Variants in ZNF235 observed in about 807,000 individuals in gnomAD.
The protein encoded by ZNF235 is zfp-93.
In ZNF235, 25 loss-of-function variants were observed where a neutral mutation model predicts 29.4. The ratio of observed to expected loss-of-function variants is 0.85; its 90% confidence interval spans 0.62 to 1.19. The LOEUF is 1.19. ZNF235 is among the 50% of genes most tolerant of loss of function. The pLI, the probability that ZNF235 is intolerant of heterozygous loss-of-function variation, is 0.00. For missense variants in ZNF235, 788 were observed against 885.0 expected (o/e 0.89, Z 1.39); for synonymous variants, 300 against 295.3 (o/e 1.02, Z -0.16).
rs375549302 is a variant in ZNF235, at chr19:44,288,902, T to C, written c.533A>G (p.Lys178Arg). The change falls in exon 5 of 5, where the codon AAA (lysine) becomes AGA (arginine). Residue 178 changes from lysine (K) to arginine (R), a missense_variant. Lys to Arg is a conservative substitution (Grantham distance 26). Coordinates refer to ENST00000291182, the MANE Select transcript of ZNF235 (RefSeq NM_004234.4). ...IIENQEFPTGKVPNSWSKIYL... is the reference protein window; with the variant it reads ...IIENQEFPTGRVPNSWSKIYL... ...TATTTTACTCCAAGAATTCGGAACT[T>C]TCCCAGTTGGAAATTCTTGATTTTC... 3 of 1,613,934 alleles carry C rather than the reference T, an allele frequency of 1.9e-6. No individual in the cohort carries two copies. The African/African-American group carries it at 4.0e-5, about 22-fold the overall frequency.
At chr19:44,290,028 G>A (rs1208827666) in intron 4 of ZNF235, 1 of 152,190 alleles carries the variant, frequency 6.6e-6, no homozygotes, top group African/African-American at 2.4e-5. Context: ...CCCCTTGGGG[G>A]TCAGAAGTCA....
intron 4 of ZNF235, 96 bp downstream of exon 4, chr19:44,298,712 A>T (rs941027818): frequency 1.3e-4 from 126 of 962,546 alleles, no homozygotes; most frequent in Admixed American, 9.0e-5. Context: ...GATGTTTTTT[A>T]AAAAAGTCTC....
At chr19:44,302,817 CTT>C (rs1975756967) in intron 2 of ZNF235, among the ~76,000 whole-genome samples, 1 of 123,832 alleles carries the variant, frequency 8.1e-6, no homozygotes, top group East Asian at 2.3e-4. Context: ...TATATATATA[CTT>C]ATATATATAT....
intron 4 of ZNF235, chr19:44,297,305 A>T (rs535565271): frequency 6.1e-6 from 1 of 163,192 alleles, no homozygotes; most frequent in Non-Finnish European, 1.4e-5. Context: ...TTATGTGTCC[A>T]GCCACCCCCA....
At chr19:44,295,328 A>C (rs1421573248) in intron 4 of ZNF235, among the ~76,000 whole-genome samples, 2 of 152,178 alleles carry the variant, frequency 1.3e-5, no homozygotes, top group African/African-American at 4.8e-5. Flanking sequence ...TCAAGAACAC[A>C]ATCCAATTTA....
At chr19:44,295,559 T>C (rs974496253) in intron 4 of ZNF235, among the ~76,000 whole-genome samples, 1 of 152,092 alleles carries the variant, frequency 6.6e-6, no homozygotes, top group Non-Finnish European at 1.5e-5. Context: ...ATCTAAATAC[T>C]AATGTCATTT....
chr19:44,298,953 A>G, intron 3 of ZNF235, 50 bp from the exon 4 acceptor site: 1 of 1,437,686 alleles, frequency 7.0e-7, no homozygotes, highest in Non-Finnish European at 9.7e-7. Context: ...AAGAGTACTG[A>G]AAAAATCTGG....
chr19:44,291,624 T>C (rs933864742), intron 4 of ZNF235, among the ~76,000 whole-genome samples: 5 of 152,292 alleles, frequency 3.3e-5, no homozygotes, highest in African/African-American at 7.2e-5. Flanking sequence ...AAGGGACTTA[T>C]GAACTTTATG....
Position 44,287,898 on chromosome 19 carries a change from T to G in ZNF235, c.1537A>C (p.Lys513Gln). 2 of 1,614,048 alleles carry G rather than the reference T, an allele frequency of 1.2e-6. No individual in the cohort carries two copies. Among genetic ancestry groups the G allele is most frequent in the Non-Finnish European group, 1.7e-6 (2 of 1,180,020 alleles). Residue 513 changes from lysine to glutamine, a missense_variant, in exon 5 of 5, where the codon AAA (lysine) becomes CAA (glutamine). Coordinates refer to ENST00000291182, the MANE Select transcript of ZNF235 (RefSeq NM_004234.4). ...CCACACACGTTGCATCGAAATGGTTTCTCTCCTGTATGGACCCTCTGATGG... is the reference window on the plus strand; with the variant it reads ...CCACACACGTTGCATCGAAATGGTTGCTCTCCTGTATGGACCCTCTGATGG... The part of the protein sequence containing the change: ...QSHQRVHTGE[K>Q]PFRCNVCGKG...
In ZNF235 at chr19:44,300,839, CAAAA is replaced by C. The variant is rs143676501; in HGVS notation, c.16-1111_16-1108del. Among the ~76,000 whole-genome samples the C allele has an allele frequency of 1.6e-4, 15 of 95,878 alleles. No homozygotes were observed. In the South Asian group the frequency reaches 1.9e-3, roughly 12 times the overall value. The allele number at this position is 95,878 out of a possible 152,430, so 62.9% of individuals were successfully genotyped here. ...TGAATGACAGAGCGAGACTCCGTCT[CAAAA>C]AAAAAAAAAAAAAAAAGGTAAGTTC... On this transcript the variant is annotated intron_variant, in intron 2 of 4. Transcript: ENST00000291182.
rs774684779 is a variant in ZNF235, at chr19:44,287,797, T to G, written c.1638A>C (p.Glu546Asp). The G allele has an allele frequency of 3.7e-6, 6 of 1,612,050 alleles. No homozygotes were observed. The highest frequency in any genetic ancestry group is 5.1e-6 in the Non-Finnish European group (6 of 1,179,328). The part of the protein sequence containing the change: ...VHTGEKPYKC[E>D]VCGKRFNWSL... ...TCCAATTGAAGCGCTTCCCACACAC[T>G]TCACATTTGTATGGTTTTTCTCCAG... is the stretch of plus-strand genomic sequence containing the variant. Residue 546 changes from glutamate to aspartate, a missense_variant, in exon 5 of 5, where the codon GAA becomes GAC. Physicochemically the swap from Glu to Asp is conservative, Grantham distance 45. Coordinates refer to ENST00000291182, the MANE Select transcript of ZNF235 (RefSeq NM_004234.4).
chr19:44,288,366 T>A lies in ZNF235; in HGVS notation c.1069A>T (p.Asn357Tyr). 6.2e-7 allele frequency: 1 copy of A among 1,614,146 alleles called. No homozygotes were observed. The highest frequency in any genetic ancestry group is 8.5e-7 in the Non-Finnish European group (1 of 1,180,010). The change falls in exon 5 of 5, where the codon AAT becomes TAT. Residue 357 changes from asparagine to tyrosine, a missense_variant. Coordinates refer to ENST00000291182, the MANE Select transcript of ZNF235 (RefSeq NM_004234.4). ...YTCHECGKSF[N>Y]QSSHLYAHLP... ...TGAGCATAAAGATGTGAGCTCTGATTAAAGCTCTTACCACACTCGTGGCAT... is the reference window on the plus strand; with the variant it reads ...TGAGCATAAAGATGTGAGCTCTGATAAAAGCTCTTACCACACTCGTGGCAT...
At position 44,289,627 on chromosome 19, in the gene ZNF235, G is replaced by A. The variant is rs137948643; in HGVS notation, c.239-431C>T. 71 of 154,070 alleles carry A rather than the reference G, an allele frequency of 4.6e-4. No individual in the cohort carries two copies. The East Asian group carries it at 9.0e-3, about 20-fold the overall frequency. The allele number at this position is 154,070 out of a possible 1,614,324, so 9.5% of individuals were successfully genotyped here. On this transcript the variant is annotated intron_variant, in intron 4 of 4. Transcript: ENST00000291182. ...TTTTCCTGGATTTTATTTGCCTCTC[G>A]AAACACAGAACTACAGATCTAAGAA...
At chr19:44,302,305 A>C (rs1219365182) in intron 2 of ZNF235, among the ~76,000 whole-genome samples, 1 of 152,242 alleles carries the variant, frequency 6.6e-6, no homozygotes, top group Admixed American at 6.5e-5. Context: ...TAGATTACAT[A>C]AACATGGAGA....
chr19:44,302,922 TTGTA>T (rs1193561138), intron 2 of ZNF235, among the ~76,000 whole-genome samples: 16 of 139,204 alleles, frequency 1.1e-4, no homozygotes, highest in Admixed American at 6.6e-4. Flanking sequence ...ACGTATATAT[TTGTA>T]TGTATTTATA....
rs755641455 is a variant in ZNF235, at chr19:44,287,357, C to T, written c.2078G>A (p.Ser693Asn). Reference sequence around the variant, plus strand: ...GTGTGTGTGAAAATGTGAGGCCTGACTGAAGCCCTTCCCACACTGCTGACA... The same window carrying T: ...GTGTGTGTGAAAATGTGAGGCCTGATTGAAGCCCTTCCCACACTGCTGACA... ...YTCQQCGKGFSQASHFHTHQR... is the reference protein window; with the variant it reads ...YTCQQCGKGFNQASHFHTHQR... The change falls in exon 5 of 5, where the codon AGT (serine) becomes AAT (asparagine). Residue 693 changes from serine to asparagine, a missense_variant. Physicochemically the swap from Ser to Asn is conservative, Grantham distance 46. Coordinates refer to ENST00000291182, the MANE Select transcript of ZNF235 (RefSeq NM_004234.4). 3.1e-6 allele frequency: 5 copies of T among 1,613,966 alleles called. No homozygotes were observed. The highest frequency in any genetic ancestry group is 4.2e-6 in the Non-Finnish European group (5 of 1,180,002).
At chr19:44,299,568 A>G (rs771150251) in intron 3 of ZNF235, 38 bp downstream of exon 3, 1 of 1,610,762 alleles carries the variant, frequency 6.2e-7, no homozygotes, top group South Asian at 1.1e-5. Flanking sequence ...ATGGAGGTTG[A>G]GAAACCCTGC....
intron 4 of ZNF235, among the ~76,000 whole-genome samples, chr19:44,295,235 T>C (rs1331822889): frequency 6.6e-6 from 1 of 152,012 alleles, no homozygotes; most frequent in Admixed American, 6.6e-5. Context: ...ATGACTTCAA[T>C]AAAGTTTCAG....
chr19:44,297,704 C>T (rs1448439363), intron 4 of ZNF235, among the ~76,000 whole-genome samples: 1 of 152,074 alleles, frequency 6.6e-6, no homozygotes, highest in Non-Finnish European at 1.5e-5. Context: ...CTCAGGTGAT[C>T]CGCCCACCTT....
Sources: allele counts gnomAD v4.1 joint callset (sites outside exome capture counted in the v4.1 genomes callset), GRCh38; gene constraint gnomAD v4.1.1; transcripts MANE v1.5; gene names NCBI Gene and HGNC (gene_info 2026-07-23, HGNC 2026-07-21).